Variants in GGA2 observed in about 807,000 individuals in gnomAD.
GGA2 encodes the protein ADP-ribosylation factor-binding protein GGA2.
GGA2 carries 48 observed loss-of-function variants against 79.5 expected under a neutral mutation model. The ratio of observed to expected loss-of-function variants is 0.60; its 90% CI spans 0.48 to 0.77. The LOEUF is 0.77. Among genes scored for constraint, GGA2 ranks in the 30% least tolerant of loss-of-function variants. GGA2 has a pLI of 0.00. For missense variants in GGA2, 770 were observed against 774.0 expected, an observed-to-expected ratio of 0.99 and a Z score of 0.06; for synonymous variants, 317 against 302.0, an observed-to-expected ratio of 1.05 and a Z score of -0.51.
At chr16:23,518,903 AAG>A (rs1965118765) in intron 2 of GGA2, among the ~76,000 whole-genome samples, 1 of 152,246 alleles carries the variant, frequency 6.6e-6, no homozygotes, top group Admixed American at 6.5e-5. Context: ...TCTTTTGAGT[AAG>A]AGAGTAAATA....
At chr16:23,470,213 C>A (rs934183944) in intron 14 of GGA2, 48 bp from the exon 15 acceptor site, 2 of 1,426,382 alleles carry the variant, frequency 1.4e-6, no homozygotes, top group Non-Finnish European at 1.9e-6. Context: ...TACAAACCCC[C>A]CGGACAGCCA....
Position 23,467,503 on chromosome 16 carries a change from C to T in GGA2, c.*87G>A, listed in dbSNP as rs192880525. ...CGTCAGGATAGGACTCTTGGCACTCCGCACTGAAACACCGTGATTAGTCCT... is the reference window on the plus strand; with the variant it reads ...CGTCAGGATAGGACTCTTGGCACTCTGCACTGAAACACCGTGATTAGTCCT... On this transcript the variant is annotated 3_prime_UTR_variant, in exon 17 of 17. Coordinates refer to ENST00000309859, the MANE Select transcript of GGA2 (RefSeq NM_015044.4). 393 of 727,882 alleles carry T rather than the reference C, an allele frequency of 5.4e-4. 2 individuals carry two copies. The East Asian group carries it at 8.2e-3, about 15-fold the overall frequency. The allele number at this position is 727,882 out of a possible 1,614,324, so 45.1% of individuals were successfully genotyped here.
intron 2 of GGA2, among the ~76,000 whole-genome samples, chr16:23,518,441 G>C (rs1201035442): frequency 6.6e-6 from 1 of 152,008 alleles, no homozygotes; most frequent in Non-Finnish European, 1.5e-5. Flanking sequence ...TTAAACGCCT[G>C]TGCTCAAGCA....
intron 11 of GGA2, 71 bp from the exon 12 acceptor site, chr16:23,478,982 A>T: frequency 9.6e-7 from 1 of 1,038,698 alleles, no homozygotes; most frequent in Non-Finnish European, 1.5e-6. Context: ...GTAATGCCAC[A>T]CCCATCCTTT....
intron 13 of GGA2, 25 bp downstream of exon 13, chr16:23,478,343 C>T (rs1467459717): frequency 6.5e-7 from 1 of 1,546,920 alleles, no homozygotes; most frequent in African/African-American, 1.4e-5. Flanking sequence ...CACACTCTCC[C>T]ACTCCCCTTG....
intron 14 of GGA2, among the ~76,000 whole-genome samples, chr16:23,473,132 C>G (rs1389002561): frequency 1.3e-5 from 2 of 149,718 alleles, no homozygotes; most frequent in African/African-American, 4.9e-5. Context: ...TAAAGAACAA[C>G]TAAGGGCATA....
chr16:23,489,069 T>A (rs1964750690), intron 5 of GGA2, among the ~76,000 whole-genome samples: 1 of 152,166 alleles, frequency 6.6e-6, no homozygotes, highest in Non-Finnish European at 1.5e-5. Flanking sequence ...AAATGCTGAG[T>A]GTATGTGACA....
intron 14 of GGA2, among the ~76,000 whole-genome samples, chr16:23,470,629 G>A (rs908704801): frequency 6.6e-6 from 1 of 151,924 alleles, no homozygotes; most frequent in Non-Finnish European, 1.5e-5. Flanking sequence ...TGGGCATGGT[G>A]GTACACACCT....
At chr16:23,485,333 T>C (rs947168637) in intron 8 of GGA2, among the ~76,000 whole-genome samples, 1 of 152,210 alleles carries the variant, frequency 6.6e-6, no homozygotes, top group Admixed American at 6.5e-5. Context: ...GTTGCTTTTA[T>C]GGTATGTTAA....
Position 23,468,871 on chromosome 16 carries a change from G to A in GGA2, c.1731+15C>T. 1 of 1,517,600 alleles carries A rather than the reference G, an allele frequency of 6.6e-7. No homozygotes were observed. Among genetic ancestry groups the A allele is most frequent in the Non-Finnish European group, 9.2e-7 (1 of 1,092,266 alleles). The allele number at this position is 1,517,600 out of a possible 1,614,324, so 94.0% of individuals were successfully genotyped here. A position where few individuals can be genotyped will look rare whatever the true frequency, so the allele number is the denominator to read the frequency against. ...GGGCCCCCATCTCCCTGCTACCACA[G>A]ACACTGGAACATACTTTGTGTGGAT... On this transcript the variant is annotated intron_variant, in intron 16 of 16. Transcript: ENST00000309859.
chr16:23,475,079 A>G lies in GGA2; in HGVS notation c.1293-18T>C, dbSNP rs772202191. On this transcript the variant is annotated intron_variant, in intron 13 of 16. Transcript: ENST00000309859. ...CATAATTCCTACAAAGAAATAAAAA[A>G]TATCAAAGACTAGCAAAAATTGTAG... The G allele has an allele frequency of 6.5e-7, 1 of 1,536,658 alleles. No homozygotes were observed. The highest frequency in any genetic ancestry group is 1.2e-5 in the South Asian group (1 of 82,704).
At chr16:23,512,973 G>A (rs896809390), upstream of GGA2, among the ~76,000 whole-genome samples, 4 of 151,950 alleles carry the variant, frequency 2.6e-5, no homozygotes, top group Non-Finnish European at 4.4e-5. Flanking sequence ...CCAAAGTGTC[G>A]GAATTACAGG....
At position 23,486,111 on chromosome 16, in the gene GGA2, C is replaced by A; in HGVS notation, c.702G>T (p.Ala234=). Residue 234 remains alanine (A), a synonymous_variant, in exon 8 of 17, where the codon GCG becomes GCT. Transcript: ENST00000309859. The part of the protein sequence containing the change: ...KSEKVSKRVS[A]VEEVRSHVKV... The stretch of plus-strand genomic sequence containing the variant: ...TCACATGGCTTCGCACTTCCTCCAC[C>A]GCACTGACCCTCTTGGACACCTTCT... 6.2e-7 allele frequency: 1 copy of A among 1,613,544 alleles called. No individual in the cohort carries two copies. Among genetic ancestry groups the A allele is most frequent in the South Asian group, 1.1e-5 (1 of 91,062 alleles).
At chr16:23,478,820 C>T in intron 12 of GGA2, 63 bp downstream of exon 12, 1 of 1,177,576 alleles carries the variant, frequency 8.5e-7, no homozygotes, top group Non-Finnish European at 1.3e-6. Context: ...GCAGTGCTGC[C>T]TCACAAGGGC....
At position 23,495,790 on chromosome 16, in the gene GGA2, A is replaced by G; in HGVS notation, c.92-12T>C. ...GTCTGTGGCTTTGTCTGTCAAATAA[A>G]TAATAAAGTTAGAGAGTACATAATA... On this transcript the variant is annotated splice_polypyrimidine_tract_variant and intron_variant, in intron 1 of 16. Coordinates refer to ENST00000309859, the MANE Select transcript of GGA2 (RefSeq NM_015044.4). 6.3e-7 allele frequency: 1 copy of G among 1,582,908 alleles called. No homozygotes were observed. The highest frequency in any genetic ancestry group is 2.2e-5 in the East Asian group (1 of 44,714).
At chr16:23,501,904 G>A (rs1964925672) in intron 1 of GGA2, among the ~76,000 whole-genome samples, 1 of 152,058 alleles carries the variant, frequency 6.6e-6, no homozygotes, top group African/African-American at 2.4e-5. Context: ...GCATTCCTAG[G>A]GCACCACCTT....
At chr16:23,508,937 C>A (rs1596997670) in intron 1 of GGA2, among the ~76,000 whole-genome samples, 1 of 150,482 alleles carries the variant, frequency 6.6e-6, no homozygotes, top group African/African-American at 2.5e-5. Context: ...TCCTTGTCCC[C>A]TGTCTGCATT....
chr16:23,471,896 G>A (rs536236155), intron 14 of GGA2, among the ~76,000 whole-genome samples: 8 of 152,112 alleles, frequency 5.3e-5, no homozygotes, highest in African/African-American at 9.6e-5. Context: ...GCGATGGAGC[G>A]AGGCCCCATC....
chr16:23,486,933 C>T (rs547002975), intron 6 of GGA2, 143 bp from the exon 7 acceptor site: 150 of 672,620 alleles, frequency 2.2e-4, no homozygotes, highest in Non-Finnish European at 3.2e-4. Context: ...AAGGACACTA[C>T]GATGCAGGCA....
Sources: gnomAD v4.1 joint callset for allele counts (sites outside exome capture counted in the v4.1 genomes callset) on GRCh38, gnomAD v4.1.1 for gene constraint, MANE v1.5 for transcripts, NCBI Gene and HGNC (gene_info 2026-07-23, HGNC 2026-07-21) for gene names.